OSBPL1A: variants seen among roughly 807,000 people sequenced by gnomAD.
OSBPL1A encodes oxysterol-binding protein-related protein 1.
In OSBPL1A, 80 loss-of-function variants were observed where a neutral mutation model predicts 137.1. The observed-to-expected ratio is 0.58, with a 90% CI of 0.49 to 0.70. The LOEUF (loss-of-function observed/expected upper bound fraction) is 0.70. Among genes scored for constraint, OSBPL1A ranks in the 30% least tolerant of loss-of-function variants. The probability of loss-of-function intolerance (pLI) is 0.00; values close to 1 mark genes in which losing one functional copy is unlikely to be tolerated. For synonymous variants in OSBPL1A, 365 were observed against 389.7 expected (o/e 0.94, Z 0.75); for missense variants, 970 against 1,129.4 (o/e 0.86, Z 2.02).
chr18:24,338,375 C>T (rs1017124317), intron 5 of OSBPL1A, among the ~76,000 whole-genome samples: 4 of 151,960 alleles, frequency 2.6e-5, no homozygotes, highest in African/African-American at 9.7e-5. Context: ...CCACCGTGCC[C>T]GGCCGAAATT....
At chr18:24,182,483 G>A (rs1192564807) in intron 18 of OSBPL1A, among the ~76,000 whole-genome samples, 10 of 152,170 alleles carry the variant, frequency 6.6e-5, no homozygotes, top group African/African-American at 1.2e-4. Flanking sequence ...CCTGAGGTGC[G>A]TAGTCAGGCT....
intron 1 of OSBPL1A, among the ~76,000 whole-genome samples, chr18:24,395,812 G>A (rs1907695584): frequency 6.6e-6 from 1 of 151,358 alleles, no homozygotes. Flanking sequence ...AGTAGAGACA[G>A]GGTTTCATCA....
chr18:24,303,039 C>T (rs763481588), intron 14 of OSBPL1A, among the ~76,000 whole-genome samples: 5 of 151,762 alleles, frequency 3.3e-5, no homozygotes, highest in Non-Finnish European at 7.4e-5. Flanking sequence ...CTTGCTCTGT[C>T]GCCCAGGCTA....
intron 7 of OSBPL1A, among the ~76,000 whole-genome samples, chr18:24,332,339 T>A (rs2091093695): frequency 7.9e-6 from 1 of 126,896 alleles, no homozygotes; most frequent in South Asian, 2.5e-4. Flanking sequence ...TGAGCTGAGA[T>A]GGCACCACTG....
intron 2 of OSBPL1A, among the ~76,000 whole-genome samples, chr18:24,369,081 T>G (rs1905401879): frequency 6.6e-6 from 1 of 152,198 alleles, no homozygotes; most frequent in South Asian, 2.1e-4. Flanking sequence ...TCTTCATAAA[T>G]TACTCAGTCT....
intron 15 of OSBPL1A, among the ~76,000 whole-genome samples, chr18:24,254,850 G>C (rs752122647): frequency 6.6e-6 from 1 of 152,006 alleles, no homozygotes; most frequent in Non-Finnish European, 1.5e-5. Context: ...AAATAATAAA[G>C]ATCAGAGCAG....
intron 17 of OSBPL1A, among the ~76,000 whole-genome samples, chr18:24,220,965 G>C (rs1242784697): frequency 6.6e-6 from 1 of 152,074 alleles, no homozygotes; most frequent in African/African-American, 2.4e-5. Context: ...GTTTGTAGTA[G>C]AAACGGGGTT....
intron 1 of OSBPL1A, among the ~76,000 whole-genome samples, chr18:24,380,638 C>T (rs1441884611): frequency 1.3e-5 from 2 of 152,240 alleles, no homozygotes; most frequent in Non-Finnish European, 2.9e-5. Context: ...CAAGGCCTCG[C>T]TCAGTAGCTT....
intron 18 of OSBPL1A, among the ~76,000 whole-genome samples, chr18:24,183,625 G>A (rs572228104): frequency 2.9e-5 from 4 of 138,670 alleles, no homozygotes; most frequent in East Asian, 4.8e-4. Context: ...TAGTAGAGAC[G>A]GGGTTTCACC....
At chr18:24,213,629 A>G (rs1431778824) in intron 17 of OSBPL1A, among the ~76,000 whole-genome samples, 2 of 152,192 alleles carry the variant, frequency 1.3e-5, no homozygotes, top group East Asian at 3.8e-4. Context: ...AATTTTGCTA[A>G]TATTTCCATA....
At chr18:24,326,234 C>T (rs560780496) in intron 7 of OSBPL1A, among the ~76,000 whole-genome samples, 1 of 152,192 alleles carries the variant, frequency 6.6e-6, no homozygotes, top group African/African-American at 2.4e-5. Context: ...TGTGGAAAAG[C>T]TGTTGATGCT....
At chr18:24,304,342 A>G (rs1023494200) in intron 13 of OSBPL1A, among the ~76,000 whole-genome samples, 5 of 152,202 alleles carry the variant, frequency 3.3e-5, no homozygotes, top group African/African-American at 1.2e-4. Context: ...AAAAAACATA[A>G]ATATAGAATT....
At chr18:24,257,158 C>T (rs1370588378) in intron 15 of OSBPL1A, among the ~76,000 whole-genome samples, 1 of 151,780 alleles carries the variant, frequency 6.6e-6, no homozygotes, top group East Asian at 1.9e-4. Flanking sequence ...CACAGGGGAC[C>T]CAAAATAGCC....
At chr18:24,248,276 C>G (rs923588922) in intron 15 of OSBPL1A, among the ~76,000 whole-genome samples, 1 of 152,208 alleles carries the variant, frequency 6.6e-6, no homozygotes, top group Non-Finnish European at 1.5e-5. Context: ...TAAGAAGCCT[C>G]TAGTCTCTTG....
At chr18:24,201,785 A>G (rs1433696910) in intron 17 of OSBPL1A, among the ~76,000 whole-genome samples, 4 of 151,946 alleles carry the variant, frequency 2.6e-5, no homozygotes, top group African/African-American at 7.2e-5. Flanking sequence ...AAGAAATTGT[A>G]TGTTATTTGG....
chr18:24,358,877 C>T (rs989984610), intron 4 of OSBPL1A, among the ~76,000 whole-genome samples: 2 of 152,148 alleles, frequency 1.3e-5, no homozygotes, highest in African/African-American at 4.8e-5. Context: ...ACCAGAGTAG[C>T]TGGGACTACA....
intron 5 of OSBPL1A, among the ~76,000 whole-genome samples, chr18:24,338,801 C>T (rs543021354): frequency 6.6e-6 from 1 of 152,306 alleles, no homozygotes; most frequent in South Asian, 2.1e-4. Flanking sequence ...GCAACCTCCA[C>T]CTCCTGGGTT....
intron 14 of OSBPL1A, among the ~76,000 whole-genome samples, chr18:24,283,279 A>ATATAT (rs1328962665): frequency 3.5e-5 from 3 of 85,178 alleles, no homozygotes; most frequent in African/African-American, 1.3e-4. Flanking sequence ...AAAAAAAAAA[A>ATATAT]AAATATATAT....
chr18:24,284,180 C>G (rs1306185995), intron 14 of OSBPL1A, among the ~76,000 whole-genome samples: 1 of 152,022 alleles, frequency 6.6e-6, no homozygotes. Context: ...ATTCAACTCA[C>G]ACTGGCATGC....
Sources: gnomAD v4.1 joint callset for allele counts (sites outside exome capture counted in the v4.1 genomes callset) on GRCh38, gnomAD v4.1.1 for gene constraint, MANE v1.5 for transcripts, NCBI Gene and HGNC (gene_info 2026-07-23, HGNC 2026-07-21) for gene names.